The following DIXDC1 variants were observed in gnomAD, a reference collection of about 807,000 sequenced individuals.
DIXDC1 encodes DIX domain containing 1.
Under a neutral mutation model 103.1 loss-of-function variants are expected in DIXDC1, and 64 were observed. The observed-to-expected ratio is 0.62, with a 90% CI of 0.51 to 0.76. DIXDC1 has a LOEUF of 0.76. Ranked by LOEUF, DIXDC1 falls within the 30% of genes least tolerant of loss-of-function variation. DIXDC1 has a pLI of 0.00. For synonymous variants in DIXDC1, 266 were observed against 298.5 expected, an observed-to-expected ratio of 0.89 and a Z score of 1.12; for missense variants, 759 against 834.2, an observed-to-expected ratio of 0.91 and a Z score of 1.11.
chr11:111,951,937 C>T (rs1403579676), intron 1 of DIXDC1, among the ~76,000 whole-genome samples: 1 of 150,194 alleles, frequency 6.7e-6, no homozygotes, highest in East Asian at 1.9e-4. Flanking sequence ...ATGATCTTGG[C>T]TTGCTGCGAT....
At chr11:111,973,109 G>A (rs587689480) in intron 3 of DIXDC1, among the ~76,000 whole-genome samples, 2 of 148,548 alleles carry the variant, frequency 1.3e-5, no homozygotes, top group African/African-American at 2.5e-5. Context: ...AGTGGCTCAC[G>A]CCTGTAATCC....
intron 8 of DIXDC1, among the ~76,000 whole-genome samples, chr11:111,985,811 A>C (rs1555173772): frequency 2.0e-5 from 3 of 152,052 alleles, no homozygotes; most frequent in Non-Finnish European, 2.9e-5. Flanking sequence ...GCAACTGCCT[A>C]CTTATTATCT....
At chr11:111,927,543 G>A (rs1334589292) in intron 1 of DIXDC1, among the ~76,000 whole-genome samples, 8 of 152,150 alleles carry the variant, frequency 5.3e-5, no homozygotes, top group African/African-American at 1.9e-4. Flanking sequence ...TTCTTAGTGT[G>A]CAGTTTTCTG....
intron 9 of DIXDC1, 40 bp downstream of exon 9, chr11:111,986,964 A>G (rs1555173938): frequency 2.0e-6 from 3 of 1,506,224 alleles, no homozygotes; most frequent in South Asian, 1.2e-5. Context: ...TAAAAACATT[A>G]TGGGGGCCAG....
Position 111,995,441 on chromosome 11 carries a change from C to T in DIXDC1, c.1566C>T (p.Ser522=), listed in dbSNP as rs1555175238. The change falls in exon 16 of 20, where the codon AGC becomes AGT. Residue 522 remains serine (S), a synonymous_variant. Coordinates refer to ENST00000440460, the MANE Select transcript of DIXDC1 (RefSeq NM_001037954.4). The part of the protein sequence containing the change: ...DLQLVRDALR[S]LRNSFSGHDP... The stretch of plus-strand genomic sequence containing the variant: ...AGCTTGTTCGAGATGCTCTCCGCAG[C>T]CTGCGCAACAGCTTCAGTGGCCACG... 12 of 1,613,554 alleles carry T rather than the reference C, an allele frequency of 7.4e-6. No homozygotes were observed. Among genetic ancestry groups the T allele is most frequent in the Non-Finnish European group, 1.0e-5 (12 of 1,179,916 alleles).
intron 1 of DIXDC1, among the ~76,000 whole-genome samples, chr11:111,952,958 C>G (rs1463245456): frequency 6.6e-6 from 1 of 152,082 alleles, no homozygotes; most frequent in Non-Finnish European, 1.5e-5. Flanking sequence ...CCACTGAACT[C>G]CAGCCTGGGC....
At chr11:111,978,279 G>A (rs587668612) in intron 5 of DIXDC1, among the ~76,000 whole-genome samples, 1 of 152,284 alleles carries the variant, frequency 6.6e-6, no homozygotes, top group East Asian at 1.9e-4. Flanking sequence ...TCAGGGAGGA[G>A]CCTGTCATAT....
intron 3 of DIXDC1, among the ~76,000 whole-genome samples, chr11:111,969,074 C>T (rs587633594): frequency 4.6e-5 from 7 of 151,822 alleles, no homozygotes; most frequent in South Asian, 2.1e-4. Context: ...CCATTGTGCC[C>T]GGGCATTCAT....
At chr11:111,996,012 TG>T in intron 16 of DIXDC1, 67 bp from the exon 17 acceptor site, 2 of 1,435,112 alleles carry the variant, frequency 1.4e-6, no homozygotes, top group Non-Finnish European at 1.9e-6. Context: ...CACACTTTTA[TG>T]ATTTAAATTT....
In DIXDC1 at chr11:111,977,246, G is replaced by T; in HGVS notation, c.656+2263G>T. On this transcript the variant is annotated intron_variant, in intron 5 of 19. Transcript: ENST00000440460. This position sits in a 1 kb window ranked among gnomAD's most constrained non-coding sequence, Gnocchi z 6.1. ...TGGCCAGCGGAGCTGGCTTGGGTCG[G>T]AGCCCGGCTGCCTCGCCGCGTGTGA... 1.4e-5 allele frequency: 14 copies of T among 1,002,872 alleles called. No homozygotes were observed. The highest frequency in any genetic ancestry group is 1.7e-5 in the Non-Finnish European group (14 of 841,858). 62.1% of individuals were successfully genotyped at this position (1,002,872 alleles called of 1,614,324 possible).
chr11:111,988,565 C>G (rs901118662), intron 9 of DIXDC1, among the ~76,000 whole-genome samples: 5 of 152,096 alleles, frequency 3.3e-5, no homozygotes, highest in African/African-American at 1.2e-4. Context: ...CCTCTTGGAT[C>G]AGAAACACTC....
intron 5 of DIXDC1, 68 bp from the exon 6 acceptor site, chr11:111,980,669 A>G: frequency 7.5e-7 from 1 of 1,336,542 alleles, no homozygotes; most frequent in South Asian, 1.3e-5. Context: ...TCAGGAATAA[A>G]TTATGAAAGC....
rs143595477 is a variant in DIXDC1, at chr11:111,960,001, C to G, written c.61-4548C>G. 7.2e-3 allele frequency among the ~76,000 whole-genome samples: 1,097 copies of G among 152,064 alleles called. 14 individuals are homozygous for G. The highest frequency in any genetic ancestry group is 0.025 in the African/African-American group (1,046 of 41,490). ...CTCGACTCACTGCAACCTCCACCTCCCAGGCTCAAGTGATTCTCCTGCCTC... is the reference window on the plus strand; with the variant it reads ...CTCGACTCACTGCAACCTCCACCTCGCAGGCTCAAGTGATTCTCCTGCCTC... On this transcript the variant is annotated intron_variant, in intron 1 of 19. Transcript: ENST00000440460.
intron 3 of DIXDC1, among the ~76,000 whole-genome samples, chr11:111,970,661 CAA>C (rs34958514): frequency 3.6e-4 from 41 of 113,000 alleles, no homozygotes; most frequent in Admixed American, 4.6e-4. Context: ...AACTCTATCT[CAA>C]AAAAAAAAAA....
At chr11:111,935,867 T>G (rs1236162708), upstream of DIXDC1, among the ~76,000 whole-genome samples, 1 of 152,248 alleles carries the variant, frequency 6.6e-6, no homozygotes, top group Non-Finnish European at 1.5e-5. Flanking sequence ...CAGCTGCCAC[T>G]CAACACCTGT....
intron 2 of DIXDC1, among the ~76,000 whole-genome samples, chr11:111,966,779 A>G (rs1859755740): frequency 6.6e-6 from 1 of 152,190 alleles, no homozygotes; most frequent in South Asian, 2.1e-4. Context: ...TTTTGCCTAT[A>G]TTCACTGGAT....
At position 111,968,777 on chromosome 11, in the gene DIXDC1, T is replaced by A. The variant is rs781809406; in HGVS notation, c.316+139T>A. On this transcript the variant is annotated intron_variant, in intron 3 of 19. Coordinates refer to ENST00000440460, the MANE Select transcript of DIXDC1 (RefSeq NM_001037954.4). ...ATTTTATTTTTTATTTTTTATTTCA[T>A]GATTATTATTTTTTGCGACGGAGTT... 4.4e-6 allele frequency: 5 copies of A among 1,137,478 alleles called. No individual in the cohort carries two copies. In the African/African-American group the frequency reaches 6.3e-5, roughly 14 times the overall value. The allele number at this position is 1,137,478 out of a possible 1,614,324, so 70.5% of individuals were successfully genotyped here.
intron 1 of DIXDC1, among the ~76,000 whole-genome samples, chr11:111,927,726 A>G (rs1158940499): frequency 1.3e-5 from 2 of 151,974 alleles, no homozygotes; most frequent in African/African-American, 4.8e-5. Flanking sequence ...AGTTGGCAAT[A>G]ATAGTATTGG....
At position 111,979,157 on chromosome 11, in the gene DIXDC1, G is replaced by A. The variant is rs77062065; in HGVS notation, c.657-1580G>A. On this transcript the variant is annotated intron_variant, in intron 5 of 19. Transcript: ENST00000440460. ...TGTTTTCTGTGGTTCTAAGAAGGAAGAGAATGTATTTCTAGTTGAGGTCAT... is the reference window on the plus strand; with the variant it reads ...TGTTTTCTGTGGTTCTAAGAAGGAAAAGAATGTATTTCTAGTTGAGGTCAT... Among the ~76,000 whole-genome samples, 552 of 152,310 alleles carry A rather than the reference G, an allele frequency of 3.6e-3. 2 individuals carry two copies. Among genetic ancestry groups the A allele is most frequent in the African/African-American group, 0.012 (512 of 41,562 alleles).
Sources: allele counts gnomAD v4.1 joint callset (sites outside exome capture counted in the v4.1 genomes callset), GRCh38; gene constraint gnomAD v4.1.1; non-coding constraint Gnocchi (gnomAD v3.1); transcripts MANE v1.5; gene names NCBI Gene and HGNC (gene_info 2026-07-23, HGNC 2026-07-21).